MND1: variants seen among roughly 807,000 people sequenced by gnomAD.
MND1 encodes meiotic nuclear divisions 1.
A neutral mutation model predicts 35.1 loss-of-function variants in MND1; 28 were observed. The ratio of observed to expected loss-of-function variants is 0.80; its 90% CI spans 0.59 to 1.09. The LOEUF (loss-of-function observed/expected upper bound fraction) is 1.09. Ranked by LOEUF, MND1 falls within the 50% of genes least tolerant of loss-of-function variation. MND1 has a pLI of 0.00. For missense variants in MND1, 213 were observed against 239.6 expected (o/e 0.89, Z 0.73); for synonymous variants, 69 against 70.5 (o/e 0.98, Z 0.11).
At position 153,409,313 on chromosome 4, in the gene MND1, T is replaced by C. The variant is rs1729614874; in HGVS notation, c.511+298T>C. Among the ~76,000 whole-genome samples, 3 of 151,910 alleles carry C rather than the reference T, an allele frequency of 2.0e-5. No homozygotes were observed. In the South Asian group the frequency reaches 6.2e-4, roughly 31 times the overall value. On this transcript the variant is annotated intron_variant, in intron 7 of 7. Coordinates refer to ENST00000240488, the MANE Select transcript of MND1 (RefSeq NM_032117.4). ...CTGGGCTAATCACTTAACTTTCATA[T>C]ACATTAATGTAAGATACACTTTTAA...
intron 4 of MND1, chr4:153,361,427 C>T (rs1394310268): frequency 2.2e-5 from 10 of 454,858 alleles, no homozygotes; most frequent in Non-Finnish European, 4.0e-5. Context: ...TTTAAGATTT[C>T]CTTCAGTCTT....
At chr4:153,360,743 GTATATACACA>G (rs1453715317) in intron 4 of MND1, among the ~76,000 whole-genome samples, 45 of 148,302 alleles carry the variant, frequency 3.0e-4, no homozygotes, top group African/African-American at 1.1e-3. Context: ...GTGTGTATAT[GTATATACACA>G]TATATACACA....
At chr4:153,377,915 A>C (rs188604294) in intron 4 of MND1, among the ~76,000 whole-genome samples, 38 of 152,216 alleles carry the variant, frequency 2.5e-4, no homozygotes, top group African/African-American at 6.7e-4. Flanking sequence ...CTTCCTCCTC[A>C]GCAGAGTATA....
chr4:153,389,375 A>G (rs929324252), intron 4 of MND1, among the ~76,000 whole-genome samples: 2 of 150,490 alleles, frequency 1.3e-5, no homozygotes, highest in East Asian at 3.9e-4. Context: ...ATTTATTTAT[A>G]TTTTAGATGA....
intron 3 of MND1, among the ~76,000 whole-genome samples, chr4:153,356,795 T>C (rs1579899018): frequency 6.6e-6 from 1 of 151,942 alleles, no homozygotes; most frequent in East Asian, 1.9e-4. Context: ...ATTTTATTTA[T>C]TTATTTATTT....
intron 4 of MND1, among the ~76,000 whole-genome samples, chr4:153,366,690 C>A (rs1347618914): frequency 1.3e-5 from 2 of 152,174 alleles, no homozygotes; most frequent in African/African-American, 4.8e-5. Context: ...GGACATTACT[C>A]ACACTAGTGG....
chr4:153,368,254 T>C (rs1773705465), intron 4 of MND1, among the ~76,000 whole-genome samples: 1 of 152,190 alleles, frequency 6.6e-6, no homozygotes, highest in Non-Finnish European at 1.5e-5. Context: ...ATCTCTCCTC[T>C]CAGAAACCTC....
At chr4:153,350,025 T>A in intron 1 of MND1, 39 bp from the exon 2 acceptor site, 1 of 1,413,152 alleles carries the variant, frequency 7.1e-7, no homozygotes, top group South Asian at 1.2e-5. Flanking sequence ...TCAAAATGTG[T>A]TTAAAAGCAT....
intron 4 of MND1, among the ~76,000 whole-genome samples, chr4:153,366,649 A>G (rs1188261277): frequency 6.6e-6 from 1 of 152,214 alleles, no homozygotes; most frequent in Non-Finnish European, 1.5e-5. Context: ...TTGAAGTTAT[A>G]TATTTAGAGT....
chr4:153,382,276 T>A (rs779909300), intron 4 of MND1, among the ~76,000 whole-genome samples: 10 of 152,234 alleles, frequency 6.6e-5, no homozygotes, highest in African/African-American at 2.2e-4. Flanking sequence ...ATTATATTAA[T>A]TGTTATTTTT....
chr4:153,394,405 T>C (rs1729144298), intron 5 of MND1, 69 bp downstream of exon 5: 1 of 1,244,316 alleles, frequency 8.0e-7, no homozygotes, highest in East Asian at 2.6e-5. Context: ...ACACAGAGCT[T>C]CCTGTGAGGA....
intron 4 of MND1, among the ~76,000 whole-genome samples, chr4:153,391,747 C>CACACACACACACACACACAT (rs1440447136): frequency 1.3e-5 from 2 of 151,708 alleles, no homozygotes; most frequent in African/African-American, 4.8e-5. Context: ...CACACACACA[C>CACACACACACACACACACAT]ACATACATAC....
At chr4:153,369,194 C>T (rs569458493) in intron 4 of MND1, among the ~76,000 whole-genome samples, 19 of 152,354 alleles carry the variant, frequency 1.2e-4, no homozygotes, top group African/African-American at 3.1e-4. Context: ...ATGGTTTTCT[C>T]CGTAGTACAG....
chr4:153,389,100 A>G (rs1445467147), intron 4 of MND1, among the ~76,000 whole-genome samples: 2 of 152,240 alleles, frequency 1.3e-5, no homozygotes, highest in Non-Finnish European at 2.9e-5. Context: ...AAGGGTAGGT[A>G]TATGTAAAAT....
intron 7 of MND1, 103 bp downstream of exon 7, chr4:153,409,118 G>A (rs1729609203): frequency 1.6e-5 from 9 of 556,230 alleles, no homozygotes; most frequent in East Asian, 9.7e-5. Context: ...AAGAAAGGAC[G>A]TTAATGAAAA....
intron 7 of MND1, among the ~76,000 whole-genome samples, chr4:153,412,174 A>T (rs921620108): frequency 1.3e-5 from 2 of 152,232 alleles, no homozygotes; most frequent in Non-Finnish European, 1.5e-5. Context: ...TGTTAACATT[A>T]TTCTATTTGA....
intron 6 of MND1, among the ~76,000 whole-genome samples, chr4:153,400,926 G>T (rs1261914936): frequency 6.6e-6 from 1 of 152,134 alleles, no homozygotes; most frequent in Admixed American, 6.5e-5. Context: ...AGTGGAAATA[G>T]AGAAGATATA....
intron 7 of MND1, among the ~76,000 whole-genome samples, chr4:153,409,799 CAA>C (rs1317052350): frequency 1.3e-5 from 2 of 151,668 alleles, no homozygotes; most frequent in African/African-American, 4.8e-5. Context: ...TTATTTATTA[CAA>C]AGTTATTTCT....
intron 4 of MND1, chr4:153,382,105 G>A (rs951792307): frequency 6.6e-6 from 1 of 151,828 alleles, no homozygotes; most frequent in Non-Finnish European, 1.5e-5. Flanking sequence ...CAAGGGCATG[G>A]TTTAAACATC....
Sources: allele counts gnomAD v4.1 joint callset (sites outside exome capture counted in the v4.1 genomes callset), GRCh38; gene constraint gnomAD v4.1.1; transcripts MANE v1.5; gene names NCBI Gene and HGNC (gene_info 2026-07-23, HGNC 2026-07-21).